DPP10: variants seen among roughly 807,000 people sequenced by gnomAD.
The protein encoded by DPP10 is inactive dipeptidyl peptidase 10.
DPP10 carries 33 observed loss-of-function variants against 120.9 expected under a neutral mutation model. The ratio of observed to expected loss-of-function variants is 0.27; its 90% CI spans 0.21 to 0.37. DPP10 has a LOEUF of 0.37. Ranked by LOEUF, DPP10 falls within the 10% of genes least tolerant of loss-of-function variation. The pLI is 1.00. For synonymous variants in DPP10, 337 were observed against 326.1 expected, an observed-to-expected ratio of 1.03 and a Z score of -0.36; for missense variants, 816 against 942.8, an observed-to-expected ratio of 0.87 and a Z score of 1.76.
intron 1 of DPP10, among the ~76,000 whole-genome samples, chr2:115,122,613 C>T (rs1466497796): frequency 6.6e-6 from 1 of 152,232 alleles, no homozygotes; most frequent in Non-Finnish European, 1.5e-5. Flanking sequence ...TTTGTTGCCA[C>T]ACAATGCAGC....
intron 3 of DPP10, among the ~76,000 whole-genome samples, chr2:115,394,405 A>C (rs2067522871): frequency 6.6e-6 from 1 of 151,690 alleles, no homozygotes; most frequent in African/African-American, 2.4e-5. Flanking sequence ...AGAGATGTTA[A>C]AATTCTTTTT....
chr2:115,755,544 T>C (rs1017026488), intron 11 of DPP10, among the ~76,000 whole-genome samples: 2 of 151,992 alleles, frequency 1.3e-5, no homozygotes, highest in Admixed American at 1.3e-4. Context: ...AACCGTAATT[T>C]CCAAAGCTAT....
In DPP10 at chr2:115,844,158, T is replaced by C. The variant is rs1215258315; in HGVS notation, c.*1813T>C. 1.3e-5 allele frequency: 2 copies of C among 152,608 alleles called. No individual in the cohort carries two copies. Among genetic ancestry groups the C allele is most frequent in the Non-Finnish European group, 2.9e-5 (2 of 68,014 alleles). The allele number at this position is 152,608 out of a possible 1,614,324, so 9.5% of individuals were successfully genotyped here. A position where few individuals can be genotyped will look rare whatever the true frequency, so the allele number is the denominator to read the frequency against. On this transcript the variant is annotated 3_prime_UTR_variant, in exon 26 of 26. Coordinates refer to ENST00000410059, the MANE Select transcript of DPP10 (RefSeq NM_020868.6). ...TTTTTTAACAAAATAAGTTGTAATT[T>C]TAAAAGGAAAGTTTTGCCTATTTTA...
chr2:114,763,522 G>C (rs560758848), intron 1 of DPP10, among the ~76,000 whole-genome samples: 6 of 152,080 alleles, frequency 3.9e-5, no homozygotes, highest in Non-Finnish European at 5.9e-5. Flanking sequence ...CTGGTTTAAA[G>C]TATGTTTCTG....
At chr2:115,618,999 T>A (rs2084733734) in intron 5 of DPP10, among the ~76,000 whole-genome samples, 1 of 150,882 alleles carries the variant, frequency 6.6e-6, no homozygotes, top group Non-Finnish European at 1.5e-5. Context: ...TTTCATTCTT[T>A]GAACTTCAGC....
chr2:115,448,841 C>G (rs2072855975), intron 3 of DPP10, among the ~76,000 whole-genome samples: 1 of 152,026 alleles, frequency 6.6e-6, no homozygotes. Context: ...AAAAAGTTCT[C>G]CCTATCACTT....
At chr2:115,568,848 A>T (rs1041942914) in intron 5 of DPP10, among the ~76,000 whole-genome samples, 11 of 152,186 alleles carry the variant, frequency 7.2e-5, no homozygotes, top group Non-Finnish European at 1.5e-5. Context: ...TTGAGTCAGC[A>T]TTAACAGAAT....
chr2:114,534,599 C>T (rs774137569), intron 1 of DPP10, among the ~76,000 whole-genome samples: 2 of 152,198 alleles, frequency 1.3e-5, no homozygotes, highest in Admixed American at 6.5e-5. Flanking sequence ...GGAGATTAAA[C>T]AGTCAGCATT....
intron 8 of DPP10, among the ~76,000 whole-genome samples, chr2:115,736,517 T>C (rs1056453876): frequency 6.6e-6 from 1 of 152,124 alleles, no homozygotes; most frequent in South Asian, 2.1e-4. Flanking sequence ...AATGGATAAA[T>C]GTTTCTGTAA....
At chr2:114,461,880 C>T (rs1191269153) in intron 1 of DPP10, 1 of 985,228 alleles carries the variant, frequency 1.0e-6, no homozygotes, top group Non-Finnish European at 1.2e-6. Context: ...GAAAAAGAGA[C>T]AGGTGGAGAG....
chr2:114,505,948 T>C (rs1683618521), intron 1 of DPP10, among the ~76,000 whole-genome samples: 1 of 152,250 alleles, frequency 6.6e-6, no homozygotes, highest in East Asian at 1.9e-4. Flanking sequence ...CTCATTCTAC[T>C]TTCTTTCCAA....
intron 1 of DPP10, among the ~76,000 whole-genome samples, chr2:115,174,428 A>G (rs2053565128): frequency 6.6e-6 from 1 of 152,228 alleles, no homozygotes; most frequent in South Asian, 2.1e-4. Context: ...AATGGCTTAC[A>G]AAGTTTCCAA....
At chr2:115,327,867 A>G (rs1306105231) in intron 2 of DPP10, among the ~76,000 whole-genome samples, 1 of 152,110 alleles carries the variant, frequency 6.6e-6, no homozygotes, top group Non-Finnish European at 1.5e-5. Flanking sequence ...CATAAAGAAT[A>G]TAATGACAAT....
In DPP10 at chr2:115,633,486, C is replaced by T. The variant is rs181110037; in HGVS notation, c.442-56201C>T. On this transcript the variant is annotated intron_variant, in intron 5 of 25. Transcript: ENST00000410059. ...TAGGAGATATACCTAATGTAAATGACGAGTTAATGGGTGCAGCACACCAAC... is the reference window on the plus strand; with the variant it reads ...TAGGAGATATACCTAATGTAAATGATGAGTTAATGGGTGCAGCACACCAAC... Among the ~76,000 whole-genome samples the T allele has an allele frequency of 1.6e-3, 241 of 151,986 alleles. 2 individuals are homozygous for T. Among genetic ancestry groups the T allele is most frequent in the East Asian group, 0.014 (73 of 5,178 alleles).
chr2:115,712,354 G>T (rs577084566), intron 7 of DPP10, among the ~76,000 whole-genome samples: 1 of 150,686 alleles, frequency 6.6e-6, no homozygotes, highest in African/African-American at 2.4e-5. Context: ...GAATGTGAGC[G>T]ATGGGAGTGG....
chr2:114,701,157 C>T (rs1452222605), intron 1 of DPP10, among the ~76,000 whole-genome samples: 2 of 152,066 alleles, frequency 1.3e-5, no homozygotes, highest in African/African-American at 4.8e-5. Flanking sequence ...CACATCATGG[C>T]CCTGAAGCAA....
intron 1 of DPP10, among the ~76,000 whole-genome samples, chr2:115,233,690 A>G (rs1291258661): frequency 6.6e-6 from 1 of 152,176 alleles, no homozygotes; most frequent in African/African-American, 2.4e-5. Context: ...GCAAAGAAAA[A>G]TTGACAGCAG....
chr2:115,514,650 TA>T (rs2077405900), intron 4 of DPP10, among the ~76,000 whole-genome samples: 1 of 151,826 alleles, frequency 6.6e-6, no homozygotes, highest in East Asian at 1.9e-4. Context: ...TAAAATCATG[TA>T]AAATTTAAAA....
At chr2:115,475,210 G>T (rs1388227141) in intron 3 of DPP10, among the ~76,000 whole-genome samples, 1 of 152,134 alleles carries the variant, frequency 6.6e-6, no homozygotes, top group African/African-American at 2.4e-5. Flanking sequence ...TGAGGGCCAA[G>T]TCCAGGGCCC....
Sources: gnomAD v4.1 joint callset for allele counts (sites outside exome capture counted in the v4.1 genomes callset) on GRCh38, gnomAD v4.1.1 for gene constraint, MANE v1.5 for transcripts, NCBI Gene and HGNC (gene_info 2026-07-23, HGNC 2026-07-21) for gene names.